RAPGEF5: variants seen among roughly 807,000 people sequenced by gnomAD.
RAPGEF5 encodes Rap guanine nucleotide exchange factor 5, also known as M-Ras-regulated GEF.
RAPGEF5 carries 65 observed loss-of-function variants against 125.2 expected under a neutral mutation model. That is an observed-to-expected ratio of 0.52 (90% CI 0.43 to 0.64). RAPGEF5 has a LOEUF of 0.64. Ranked by LOEUF, RAPGEF5 falls within the 30% of genes least tolerant of loss-of-function variation. The pLI, the probability that RAPGEF5 is intolerant of heterozygous loss-of-function variation, is 0.00. For missense variants in RAPGEF5, 958 were observed against 1,048.1 expected, an observed-to-expected ratio of 0.91 and a Z score of 1.19; for synonymous variants, 391 against 385.9, an observed-to-expected ratio of 1.01 and a Z score of -0.16.
intron 3 of RAPGEF5, among the ~76,000 whole-genome samples, chr7:22,313,301 C>T (rs117277065): frequency 1.5e-4 from 23 of 152,330 alleles, no homozygotes; most frequent in Non-Finnish European, 3.1e-4. Context: ...GAAATGACGT[C>T]TCAGAAACCA....
chr7:22,239,185 G>A (rs1277586471), intron 7 of RAPGEF5, among the ~76,000 whole-genome samples: 1 of 152,166 alleles, frequency 6.6e-6, no homozygotes, highest in East Asian at 1.9e-4. Flanking sequence ...TGCTGGGAGA[G>A]TGGAGGCAGG....
chr7:22,329,974 C>T (rs566874267), intron 1 of RAPGEF5, among the ~76,000 whole-genome samples: 1 of 152,338 alleles, frequency 6.6e-6, no homozygotes, highest in Non-Finnish European at 1.5e-5. Flanking sequence ...CACAAGCAAA[C>T]AGAGCTGTGT....
chr7:22,177,732 T>A (rs1319940169), intron 11 of RAPGEF5, among the ~76,000 whole-genome samples: 1 of 152,152 alleles, frequency 6.6e-6, no homozygotes, highest in African/African-American at 2.4e-5. Flanking sequence ...CTGAGATGAA[T>A]AAAGAGAATA....
chr7:22,316,174 C>T (rs1308941781), intron 2 of RAPGEF5, among the ~76,000 whole-genome samples: 1 of 151,918 alleles, frequency 6.6e-6, no homozygotes, highest in Non-Finnish European at 1.5e-5. Flanking sequence ...CTTTATAATA[C>T]TACCTCCTTC....
At chr7:22,245,810 T>C (rs1786461406) in intron 7 of RAPGEF5, among the ~76,000 whole-genome samples, 1 of 152,142 alleles carries the variant, frequency 6.6e-6, no homozygotes, top group South Asian at 2.1e-4. Flanking sequence ...AAACTATCTC[T>C]CTTCACTGAT....
Position 22,122,815 on chromosome 7 carries a change from T to C in RAPGEF5, c.2537-294A>G, listed in dbSNP as rs1360607198. Among the ~76,000 whole-genome samples the C allele has an allele frequency of 2.0e-5, 3 of 152,186 alleles. No individual in the cohort carries two copies. In the South Asian group the frequency reaches 6.2e-4, roughly 32 times the overall value. On this transcript the variant is annotated intron_variant, in intron 25 of 25. Coordinates refer to ENST00000665637, the MANE Select transcript of RAPGEF5 (RefSeq NM_012294.5). ...CCACAGATGGGGAAACTGAGCACAG[T>C]CACGCAGCAAGTTAACTGTCACAGC...
intron 7 of RAPGEF5, among the ~76,000 whole-genome samples, chr7:22,236,578 A>C (rs1786195710): frequency 6.6e-6 from 1 of 152,120 alleles, no homozygotes; most frequent in Non-Finnish European, 1.5e-5. Flanking sequence ...CCTTCCCCTG[A>C]GCCTTCACCT....
intron 7 of RAPGEF5, among the ~76,000 whole-genome samples, chr7:22,243,441 A>G (rs1786391610): frequency 1.3e-5 from 2 of 152,060 alleles, no homozygotes; most frequent in Non-Finnish European, 2.9e-5. Context: ...ATTTTAATAG[A>G]GATGGGGTTT....
In RAPGEF5 at chr7:22,219,967, C is replaced by A; in HGVS notation, c.895G>T (p.Glu299Ter). The part of the protein sequence containing the change: ...SQAGVMCKLQ[E>*]RDEIGRIELV... The stretch of plus-strand genomic sequence containing the variant: ...TCAATTCGTCCGATTTCATCTCTTT[C>A]CTGGAGCTTGCACATCACCCCTGCC... Residue 299 changes from glutamate to a stop codon, truncating the protein, a stop_gained, in exon 9 of 26, where the codon GAA becomes TAA. Transcript: ENST00000665637. LOFTEE classifies it high-confidence loss of function. 6.2e-7 allele frequency: 1 copy of A among 1,613,594 alleles called. No homozygotes were observed. Among genetic ancestry groups the A allele is most frequent in the Non-Finnish European group, 8.5e-7 (1 of 1,179,684 alleles).
intron 11 of RAPGEF5, among the ~76,000 whole-genome samples, chr7:22,169,998 G>C (rs1784301104): frequency 6.6e-6 from 1 of 150,692 alleles, no homozygotes. Context: ...GCGACACAGA[G>C]AGACTCTGTC....
intron 1 of RAPGEF5, among the ~76,000 whole-genome samples, chr7:22,332,473 A>G (rs1038820413): frequency 6.6e-6 from 1 of 152,238 alleles, no homozygotes. Flanking sequence ...ATACAAAGGT[A>G]AAATGAGGAG....
chr7:22,274,336 T>G (rs991198156), intron 6 of RAPGEF5, among the ~76,000 whole-genome samples: 1 of 152,016 alleles, frequency 6.6e-6, no homozygotes, highest in Non-Finnish European at 1.5e-5. Flanking sequence ...TGAATTCACT[T>G]TTTCTTTTTT....
chr7:22,347,462 A>T (rs955935191), intron 1 of RAPGEF5, among the ~76,000 whole-genome samples: 1 of 152,178 alleles, frequency 6.6e-6, no homozygotes, highest in African/African-American at 2.4e-5. Flanking sequence ...AAGATATACC[A>T]TCAATTTAAT....
At chr7:22,252,785 T>C (rs969952978) in intron 7 of RAPGEF5, among the ~76,000 whole-genome samples, 27 of 152,214 alleles carry the variant, frequency 1.8e-4, no homozygotes, top group African/African-American at 4.6e-4. Flanking sequence ...GTGGGAGAGT[T>C]AGAAAAAATT....
chr7:22,190,680 G>A (rs1400070472), intron 11 of RAPGEF5, among the ~76,000 whole-genome samples: 2 of 152,170 alleles, frequency 1.3e-5, no homozygotes, highest in Non-Finnish European at 2.9e-5. Context: ...TGGGAGCACA[G>A]AGGGCCTCCT....
In RAPGEF5 at chr7:22,178,510, C is replaced by T. The variant is rs112388810; in HGVS notation, c.1205-11362G>A. ...TCAGGGTTCTCACAACCACCCTCTGCGGTCTGACAAGTACCTGTTAAGGGC... is the reference window on the plus strand; with the variant it reads ...TCAGGGTTCTCACAACCACCCTCTGTGGTCTGACAAGTACCTGTTAAGGGC... On this transcript the variant is annotated intron_variant, in intron 11 of 25. Coordinates refer to ENST00000665637, the MANE Select transcript of RAPGEF5 (RefSeq NM_012294.5). Among the ~76,000 whole-genome samples, 47 of 152,292 alleles carry T rather than the reference C, an allele frequency of 3.1e-4. 3 individuals carry two copies. The highest frequency in any genetic ancestry group is 1.1e-3 in the African/African-American group (44 of 41,558).
chr7:22,282,508 T>C lies in RAPGEF5; in HGVS notation c.747+8667A>G, dbSNP rs138218144. Among the ~76,000 whole-genome samples, 450 of 152,296 alleles carry C rather than the reference T, an allele frequency of 3.0e-3. 2 individuals carry two copies. The highest frequency in any genetic ancestry group is 0.01 in the African/African-American group (427 of 41,574). On this transcript the variant is annotated intron_variant, in intron 6 of 25. Transcript: ENST00000665637. The stretch of plus-strand genomic sequence containing the variant: ...AATCTATTCAGTAAATATAAAATGT[T>C]TTAAGTGATGATAATGTGGAAAACT...
In RAPGEF5 at chr7:22,349,732, C is replaced by T. The variant is rs551444135; in HGVS notation, c.231+7098G>A. Among the ~76,000 whole-genome samples, 3 of 152,198 alleles carry T rather than the reference C, an allele frequency of 2.0e-5. No individual in the cohort carries two copies. The South Asian group carries it at 6.2e-4, about 32-fold the overall frequency. ...TCCTGCATCCATTGTTTCAATATAC[C>T]ATATGTTGTTATCCTTTCAAAGTTT... On this transcript the variant is annotated intron_variant, in intron 1 of 25. Coordinates refer to ENST00000665637, the MANE Select transcript of RAPGEF5 (RefSeq NM_012294.5).
At chr7:22,330,958 C>G (rs992956817) in intron 1 of RAPGEF5, among the ~76,000 whole-genome samples, 3 of 152,184 alleles carry the variant, frequency 2.0e-5, no homozygotes, top group Non-Finnish European at 4.4e-5. Flanking sequence ...ATGATCCTCA[C>G]ATATAGGACG....
Sources: allele counts gnomAD v4.1 joint callset (sites outside exome capture counted in the v4.1 genomes callset), GRCh38; gene constraint gnomAD v4.1.1; transcripts MANE v1.5; gene names NCBI Gene and HGNC (gene_info 2026-07-23, HGNC 2026-07-21).